The following KLRG1 variants were observed in gnomAD, a reference collection of about 807,000 sequenced individuals.
KLRG1 encodes the protein killer cell lectin like receptor G1, also known as killer cell lectin-like receptor subfamily G member 1.
In KLRG1, 16 loss-of-function variants were observed where a neutral mutation model predicts 21.8. That is an observed-to-expected ratio of 0.73 (90% CI 0.50 to 1.11). The LOEUF (loss-of-function observed/expected upper bound fraction) is 1.11, where lower values mean the gene tolerates loss of function less well. Ranked by LOEUF, KLRG1 falls within the 50% of genes most tolerant of loss-of-function variation. The pLI, the probability that KLRG1 is intolerant of heterozygous loss-of-function variation, is 0.00. For missense variants in KLRG1, 173 were observed against 218.3 expected (o/e 0.79, Z 1.31); for synonymous variants, 69 against 75.9 (o/e 0.91, Z 0.47).
the KLRG1 span, among the ~76,000 whole-genome samples, chr12:9,056,284 A>T: frequency 3.3e-5 from 5 of 152,098 alleles, no homozygotes; most frequent in Non-Finnish European, 5.9e-5. Flanking sequence ...CTCACTGGGG[A>T]AATATATAGA....
At chr12:9,195,342 G>C in the KLRG1 span, among the ~76,000 whole-genome samples, 1 of 152,020 alleles carries the variant, frequency 6.6e-6, no homozygotes, top group Admixed American at 6.6e-5. Flanking sequence ...AACCAGCTAA[G>C]AAAATACACA....
the KLRG1 span, among the ~76,000 whole-genome samples, chr12:9,198,194 T>C: frequency 2.0e-5 from 3 of 151,508 alleles, no homozygotes; most frequent in Non-Finnish European, 4.4e-5. Flanking sequence ...ACAAGCTTTT[T>C]AAAAAGATTA....
chr12:9,132,950 C>A, the KLRG1 span, among the ~76,000 whole-genome samples: 1 of 152,124 alleles, frequency 6.6e-6, no homozygotes. Context: ...TGAATGAAAA[C>A]TGGTATAGCT....
intron 1 of KLRG1, among the ~76,000 whole-genome samples, chr12:8,956,031 C>A (rs936585218): frequency 1.3e-5 from 2 of 152,214 alleles, no homozygotes; most frequent in Non-Finnish European, 2.9e-5. Flanking sequence ...GGGACTACCA[C>A]CTTTGGGTCC....
At chr12:8,974,129 G>T (rs1341238574) in intron 1 of KLRG1, among the ~76,000 whole-genome samples, 1 of 151,326 alleles carries the variant, frequency 6.6e-6, no homozygotes, top group Non-Finnish European at 1.5e-5. Context: ...AGATCTTACA[G>T]GCAAAACTCT....
At chr12:9,169,043 A>T in the KLRG1 span, 1 of 1,143,992 alleles carries the variant, frequency 8.7e-7, no homozygotes, top group East Asian at 2.4e-5. Context: ...TTATCCTTAG[A>T]GACTTCTCTA....
the KLRG1 span, chr12:9,067,986 T>G: frequency 1.0e-6 from 1 of 974,852 alleles, no homozygotes; most frequent in Non-Finnish European, 1.6e-6. Flanking sequence ...TCATTACCCA[T>G]AAGCAATCCT....
chr12:9,167,821 C>G, the KLRG1 span, among the ~76,000 whole-genome samples: 1 of 152,260 alleles, frequency 6.6e-6, no homozygotes, highest in South Asian at 2.1e-4. Flanking sequence ...CCCCAAACCT[C>G]AATGGTTTAA....
chr12:9,055,567 T>C, the KLRG1 span: 1 of 152,282 alleles, frequency 6.6e-6, no homozygotes, highest in South Asian at 2.1e-4. Flanking sequence ...AAATTTGCAT[T>C]AAATGAAGAA....
At chr12:9,135,387 C>G in the KLRG1 span, 1 of 332,342 alleles carries the variant, frequency 3.0e-6, no homozygotes, top group East Asian at 9.9e-5. Flanking sequence ...GTTGGACTCA[C>G]GCTCACCTCA....
chr12:9,108,865 A>G, the KLRG1 span, among the ~76,000 whole-genome samples: 2 of 152,198 alleles, frequency 1.3e-5, no homozygotes, highest in African/African-American at 4.8e-5. Context: ...TATCTCTACA[A>G]ATTCTGAATC....
At chr12:9,067,214 A>C in the KLRG1 span, 2 of 155,158 alleles carry the variant, frequency 1.3e-5, no homozygotes, top group Non-Finnish European at 2.9e-5. Context: ...CTTCTGCATG[A>C]ATCCTCCCTT....
chr12:8,996,397 T>C (rs1947131394), intron 3 of KLRG1: 1 of 152,238 alleles, frequency 6.6e-6, no homozygotes, highest in Non-Finnish European at 1.5e-5. Context: ...GCTAATTTGA[T>C]ACTGATTTTT....
the KLRG1 span, among the ~76,000 whole-genome samples, chr12:9,024,111 T>G: frequency 1.5e-5 from 2 of 129,034 alleles, no homozygotes; most frequent in African/African-American, 2.9e-5. Flanking sequence ...TACTGCAACC[T>G]CCTCCTCCCA....
At chr12:9,201,246 T>A in the KLRG1 span, 1 of 1,347,218 alleles carries the variant, frequency 7.4e-7, no homozygotes, top group Non-Finnish European at 1.0e-6. Context: ...TTAAAGTAGT[T>A]CATCTGTCTA....
At chr12:8,997,677 G>A (rs147247018) in intron 3 of KLRG1, among the ~76,000 whole-genome samples, 43 of 152,302 alleles carry the variant, frequency 2.8e-4, no homozygotes, top group African/African-American at 7.9e-4. Flanking sequence ...AGATGCTTAC[G>A]TAGAGTTCAC....
upstream of KLRG1, among the ~76,000 whole-genome samples, chr12:8,986,008 G>T (rs1057215545): frequency 2.6e-5 from 4 of 152,106 alleles, no homozygotes; most frequent in African/African-American, 9.7e-5. Flanking sequence ...TCCCCTTGGG[G>T]CCTGACACAC....
chr12:9,067,908 T>C, the KLRG1 span: 1 of 1,463,510 alleles, frequency 6.8e-7, no homozygotes, highest in Non-Finnish European at 9.5e-7. Context: ...ATTCTTTCCC[T>C]TAGTTCTGGG....
the KLRG1 span, chr12:9,200,416 G>T: frequency 6.2e-7 from 1 of 1,611,420 alleles, no homozygotes; most frequent in Non-Finnish European, 8.5e-7. Context: ...ATTATCTTTG[G>T]CACCTGAACT....
Sources: gnomAD v4.1 joint callset for allele counts (sites outside exome capture counted in the v4.1 genomes callset) on GRCh38, gnomAD v4.1.1 for gene constraint, MANE v1.5 for transcripts, NCBI Gene and HGNC (gene_info 2026-07-23, HGNC 2026-07-21) for gene names.